NCK1: variants seen among roughly 807,000 people sequenced by gnomAD.
NCK1 encodes the protein NCK adaptor protein 1.
In NCK1, 19 loss-of-function variants were observed where a neutral mutation model predicts 36.6. The ratio of observed to expected loss-of-function variants is 0.52; its 90% CI spans 0.36 to 0.76. The LOEUF (loss-of-function observed/expected upper bound fraction) is 0.76, where lower values mean the gene tolerates loss of function less well. Among genes scored for constraint, NCK1 ranks in the 30% least tolerant of loss-of-function variants. NCK1 has a pLI of 0.00. For missense variants in NCK1, 358 were observed against 445.6 expected (o/e 0.80, Z 1.77); for synonymous variants, 165 against 156.0 (o/e 1.06, Z -0.43).
intron 1 of NCK1, among the ~76,000 whole-genome samples, chr3:136,876,005 A>C (rs1046510014): frequency 2.0e-5 from 3 of 152,000 alleles, no homozygotes; most frequent in African/African-American, 7.2e-5. Flanking sequence ...AATCTCACTC[A>C]AAACCGCTCA....
intron 1 of NCK1, among the ~76,000 whole-genome samples, chr3:136,884,388 A>G (rs1939020119): frequency 6.6e-6 from 1 of 152,194 alleles, no homozygotes; most frequent in South Asian, 2.1e-4. Flanking sequence ...GGTTTTATTT[A>G]TTCTATAAGA....
chr3:136,889,467 C>T (rs909038977), intron 1 of NCK1, among the ~76,000 whole-genome samples: 1 of 151,908 alleles, frequency 6.6e-6, no homozygotes, highest in African/African-American at 2.4e-5. Context: ...CAGTGTGGAC[C>T]CAAAGAGTAA....
chr3:136,891,152 A>T (rs1939233969), intron 1 of NCK1, among the ~76,000 whole-genome samples: 1 of 152,216 alleles, frequency 6.6e-6, no homozygotes, highest in Non-Finnish European at 1.5e-5. Context: ...ACAGACACTG[A>T]GGTGGAGTTT....
In NCK1 at chr3:136,867,236, CGTCT is replaced by C. The variant is rs1324395825; in HGVS notation, c.-19+4887_-19+4890del. Among the ~76,000 whole-genome samples the C allele has an allele frequency of 9.1e-5, 10 of 110,262 alleles. 1 individual carries two copies. The highest frequency in any genetic ancestry group is 2.9e-4 in the African/African-American group (9 of 30,698). 72.3% of individuals were successfully genotyped at this position (110,262 alleles called of 152,430 possible). A position where few individuals can be genotyped will look rare whatever the true frequency, so the allele number is the denominator to read the frequency against. On this transcript the variant is annotated intron_variant, in intron 1 of 3. Coordinates refer to ENST00000481752, the MANE Select transcript of NCK1 (RefSeq NM_001291999.2). Reference sequence around the variant, plus strand: ...CCTTCCTTCCTTCCGTCCATCCATCCGTCTGTCCGTCCGTCTGTCTCTCTCTCTC... The same window carrying C: ...CCTTCCTTCCTTCCGTCCATCCATCCGTCCGTCCGTCTGTCTCTCTCTCTC...
At chr3:136,930,630 T>TG (rs1465041121) in intron 2 of NCK1, 1 of 1,388,438 alleles carries the variant, frequency 7.2e-7, no homozygotes, top group Admixed American at 2.8e-5. Flanking sequence ...ACTGTTTTCT[T>TG]GAAGTTGTGA....
Position 136,899,814 on chromosome 3 carries a change from A to G in NCK1, c.-18-28170A>G, listed in dbSNP as rs1576962899. The G allele has an allele frequency of 1.9e-5, 28 of 1,486,654 alleles. No homozygotes were observed. In the East Asian group the frequency reaches 5.7e-4, roughly 30 times the overall value. The allele number at this position is 1,486,654 out of a possible 1,614,324, so 92.1% of individuals were successfully genotyped here. ...GACTGTTGAAAGTTCCTTCACTGAT[A>G]AAGCTAGTGCAACTTCTAAGTCTCT... On this transcript the variant is annotated intron_variant, in intron 1 of 3. Transcript: ENST00000481752.
chr3:136,879,835 C>T (rs1008656719), intron 1 of NCK1, among the ~76,000 whole-genome samples: 1 of 151,246 alleles, frequency 6.6e-6, no homozygotes, highest in Non-Finnish European at 1.5e-5. Context: ...CACATTGGGG[C>T]CTGTTGGCGG....
At chr3:136,911,427 C>T (rs1467264956) in intron 1 of NCK1, among the ~76,000 whole-genome samples, 1 of 152,126 alleles carries the variant, frequency 6.6e-6, no homozygotes, top group Non-Finnish European at 1.5e-5. Flanking sequence ...TTTTATTGTT[C>T]TTTTTGATAA....
intron 2 of NCK1, among the ~76,000 whole-genome samples, chr3:136,937,098 T>C (rs1940550840): frequency 6.6e-6 from 1 of 152,240 alleles, no homozygotes. Context: ...GTTTTATAGT[T>C]TTAGCTCTGA....
chr3:136,916,196 A>C (rs900221290), intron 1 of NCK1, among the ~76,000 whole-genome samples: 3 of 152,220 alleles, frequency 2.0e-5, no homozygotes, highest in Admixed American at 2.0e-4. Flanking sequence ...ACACAAATCC[A>C]AACTGTATCA....
intron 2 of NCK1, among the ~76,000 whole-genome samples, chr3:136,945,253 T>G (rs1245430073): frequency 1.3e-5 from 2 of 152,212 alleles, no homozygotes; most frequent in Admixed American, 1.3e-4. Context: ...ATTGTAGCTA[T>G]GAAAGAAATC....
At chr3:136,891,757 AT>A (rs1209502653) in intron 1 of NCK1, among the ~76,000 whole-genome samples, 1 of 152,020 alleles carries the variant, frequency 6.6e-6, no homozygotes, top group Non-Finnish European at 1.5e-5. Flanking sequence ...GTGAGGTGGT[AT>A]TATTGTGGTT....
intron 1 of NCK1, chr3:136,899,840 C>G: frequency 6.8e-7 from 1 of 1,468,482 alleles, no homozygotes; most frequent in Non-Finnish European, 9.5e-7. Flanking sequence ...CTAAGTCTCT[C>G]TGGTAGAGCT....
chr3:136,899,436 A>AT, intron 1 of NCK1: 1 of 249,594 alleles, frequency 4.0e-6, no homozygotes. Flanking sequence ...TTTTTTTTAA[A>AT]TTTCTTTAAC....
intron 1 of NCK1, among the ~76,000 whole-genome samples, chr3:136,913,823 C>A (rs757122834): frequency 3.0e-4 from 46 of 152,202 alleles, no homozygotes; most frequent in Admixed American, 1.2e-3. Flanking sequence ...CGCCCGCCAC[C>A]GCGCCCAACT....
chr3:136,894,120 C>A (rs532292837), intron 1 of NCK1, among the ~76,000 whole-genome samples: 4 of 152,268 alleles, frequency 2.6e-5, no homozygotes, highest in African/African-American at 9.6e-5. Context: ...ATATTTATTC[C>A]TTTCTTTGCC....
intron 1 of NCK1, among the ~76,000 whole-genome samples, chr3:136,902,346 T>C (rs2176270): frequency 0.78 from 118,748 of 151,970 alleles, 46,565 homozygotes; most frequent in East Asian, 0.92. Flanking sequence ...TACAGGTGCA[T>C]GCCACCATGC....
intron 1 of NCK1, among the ~76,000 whole-genome samples, chr3:136,862,568 G>A (rs1369932583): frequency 6.6e-6 from 1 of 152,250 alleles, no homozygotes; most frequent in Non-Finnish European, 1.5e-5. Context: ...CCCTCGGGCC[G>A]TTGCCCCAGG....
chr3:136,927,685 C>G (rs977871508), intron 1 of NCK1, among the ~76,000 whole-genome samples: 38 of 152,062 alleles, frequency 2.5e-4, no homozygotes, highest in Non-Finnish European at 2.9e-5. Flanking sequence ...TCACGCCCAG[C>G]TAATTTTTGT....
Sources: allele counts gnomAD v4.1 joint callset (sites outside exome capture counted in the v4.1 genomes callset), GRCh38; gene constraint gnomAD v4.1.1; transcripts MANE v1.5; gene names NCBI Gene and HGNC (gene_info 2026-07-23, HGNC 2026-07-21).